Variants in SGPL1 observed in about 807,000 individuals in gnomAD.
SGPL1 encodes the protein SP-lyase 1.
In SGPL1, 37 loss-of-function variants were observed where a neutral mutation model predicts 68.9. The observed-to-expected ratio is 0.54, with a 90% CI of 0.41 to 0.71. The LOEUF is 0.71. Ranked by LOEUF, SGPL1 falls within the 30% of genes least tolerant of loss-of-function variation. SGPL1 has a pLI of 0.00. For synonymous variants in SGPL1, 236 were observed against 248.5 expected (o/e 0.95, Z 0.47); for missense variants, 551 against 704.6 (o/e 0.78, Z 2.47).
At chr10:70,818,831 A>G (rs1189455324) in intron 2 of SGPL1, among the ~76,000 whole-genome samples, 1 of 152,204 alleles carries the variant, frequency 6.6e-6, no homozygotes, top group African/African-American at 2.4e-5. Context: ...ATTCTTATTC[A>G]AAGACCATTA....
At chr10:70,858,906 T>C (rs981613216) in intron 6 of SGPL1, among the ~76,000 whole-genome samples, 1 of 152,182 alleles carries the variant, frequency 6.6e-6, no homozygotes, top group African/African-American at 2.4e-5. Flanking sequence ...CAGGGTCCCT[T>C]AGCACTCTGT....
intron 2 of SGPL1, among the ~76,000 whole-genome samples, chr10:70,830,541 T>G (rs1325240855): frequency 6.6e-6 from 1 of 152,204 alleles, no homozygotes; most frequent in African/African-American, 2.4e-5. Context: ...TCCTACAGAA[T>G]TTTAAGTAAT....
At chr10:70,835,542 C>G (rs1011213820) in intron 2 of SGPL1, among the ~76,000 whole-genome samples, 2 of 152,016 alleles carry the variant, frequency 1.3e-5, no homozygotes, top group East Asian at 3.9e-4. Flanking sequence ...CGAGACCATC[C>G]TGGCTAACAC....
chr10:70,864,192 C>T (rs1846136429), intron 7 of SGPL1, among the ~76,000 whole-genome samples: 1 of 152,048 alleles, frequency 6.6e-6, no homozygotes, highest in African/African-American at 2.4e-5. Context: ...TACAGACCTT[C>T]GTCTATTTGA....
At chr10:70,846,172 T>C (rs1051683385) in intron 3 of SGPL1, among the ~76,000 whole-genome samples, 5 of 152,196 alleles carry the variant, frequency 3.3e-5, no homozygotes, top group African/African-American at 1.2e-4. Flanking sequence ...CTGCTCCTAG[T>C]CCTTGCAAGA....
chr10:70,846,388 TAAAA>T (rs11299555), intron 3 of SGPL1, among the ~76,000 whole-genome samples: 1 of 151,758 alleles, frequency 6.6e-6, no homozygotes, highest in African/African-American at 2.4e-5. Context: ...AACTTTTCAT[TAAAA>T]AAAAAATCAG....
intron 2 of SGPL1, among the ~76,000 whole-genome samples, chr10:70,817,464 G>A (rs1034233473): frequency 6.6e-6 from 1 of 152,170 alleles, no homozygotes; most frequent in Non-Finnish European, 1.5e-5. Flanking sequence ...GTCTTGCTAT[G>A]TTCCTCAGAC....
chr10:70,876,671 CTTGGAG>C lies in SGPL1; in HGVS notation c.1566+13_1566+18del. ...GAAGACCACAGGAATGGTAGGGACA[CTTGGAG>C]TTTTTTTTCTTCTCTTGGAAATTTA... On this transcript the variant is annotated intron_variant, in intron 14 of 14. Coordinates refer to ENST00000373202, the MANE Select transcript of SGPL1 (RefSeq NM_003901.4). 6.2e-7 allele frequency: 1 copy of C among 1,601,282 alleles called. No homozygotes were observed. Among genetic ancestry groups the C allele is most frequent in the Non-Finnish European group, 8.5e-7 (1 of 1,176,206 alleles).
At chr10:70,858,178 C>G (rs762495498) in intron 6 of SGPL1, among the ~76,000 whole-genome samples, 10 of 152,202 alleles carry the variant, frequency 6.6e-5, no homozygotes, top group Non-Finnish European at 1.5e-4. Flanking sequence ...CTCTGTCACA[C>G]AGGCTGGAGT....
At position 70,877,215 on chromosome 10, in the gene SGPL1, C is replaced by A. The variant is rs1302149380; in HGVS notation, c.1587C>A (p.Ala529=). 6.2e-7 allele frequency: 1 copy of A among 1,614,128 alleles called. No individual in the cohort carries two copies. The highest frequency in any genetic ancestry group is 8.5e-7 in the Non-Finnish European group (1 of 1,179,988). ...TGTAGGGTGCCATCTATGGCATGGC[C>A]CAGACAACTGTTGACAGGAATATGG... is the stretch of plus-strand genomic sequence containing the variant. ...TTGMGAIYGM[A]QTTVDRNMVA... is the part of the protein sequence containing the mutation. Residue 529 remains alanine, a synonymous_variant, in exon 15 of 15, where the codon GCC becomes GCA. Transcript: ENST00000373202.
At chr10:70,858,231 G>C (rs925611250) in intron 6 of SGPL1, among the ~76,000 whole-genome samples, 46 of 152,076 alleles carry the variant, frequency 3.0e-4, no homozygotes, top group African/African-American at 9.9e-4. Flanking sequence ...GACCTCTTTG[G>C]CTCAAGTGAT....
At position 70,877,229 on chromosome 10, in the gene SGPL1, A is replaced by G. The variant is rs1296384070; in HGVS notation, c.1601A>G (p.Asp534Gly). The change falls in exon 15 of 15, where the codon GAC becomes GGC. Residue 534 changes from aspartate to glycine, a missense_variant. Asp to Gly is a moderately conservative substitution (Grantham distance 94, BLOSUM62 -1). Coordinates refer to ENST00000373202, the MANE Select transcript of SGPL1 (RefSeq NM_003901.4). Reference sequence around the variant, plus strand: ...TATGGCATGGCCCAGACAACTGTTGACAGGAATATGGTTGCAGAATTGTCC... The same window carrying G: ...TATGGCATGGCCCAGACAACTGTTGGCAGGAATATGGTTGCAGAATTGTCC... ...AIYGMAQTTV[D>G]RNMVAELSSV... 6.2e-7 allele frequency: 1 copy of G among 1,614,182 alleles called. No homozygotes were observed. The highest frequency in any genetic ancestry group is 1.1e-5 in the South Asian group (1 of 91,078).
chr10:70,845,837 A>G (rs1328626481), intron 3 of SGPL1, among the ~76,000 whole-genome samples: 1 of 152,128 alleles, frequency 6.6e-6, no homozygotes, highest in Non-Finnish European at 1.5e-5. Flanking sequence ...ATTGAAGATA[A>G]TCATTAGCTG....
At chr10:70,822,380 G>T (rs1452786719) in intron 2 of SGPL1, among the ~76,000 whole-genome samples, 2 of 152,178 alleles carry the variant, frequency 1.3e-5, no homozygotes, top group Non-Finnish European at 2.9e-5. Flanking sequence ...CCCAGTATTT[G>T]ACTTAGCTTT....
chr10:70,876,962 G>A (rs1329464606), intron 14 of SGPL1, among the ~76,000 whole-genome samples: 3 of 152,150 alleles, frequency 2.0e-5, no homozygotes, highest in Non-Finnish European at 4.4e-5. Context: ...TGTTTTTTCT[G>A]GAATTTTCTT....
intron 3 of SGPL1, 25 bp from the exon 4 acceptor site, chr10:70,851,118 T>A: frequency 6.3e-7 from 1 of 1,594,214 alleles, no homozygotes; most frequent in Non-Finnish European, 8.6e-7. Flanking sequence ...TTTATTTGAA[T>A]AAGAGAACCA....
chr10:70,858,455 A>T (rs1029059705), intron 6 of SGPL1, among the ~76,000 whole-genome samples: 22 of 152,110 alleles, frequency 1.4e-4, no homozygotes, highest in Admixed American at 1.4e-3. Context: ...TTATTTTTGA[A>T]ACTCCACTTC....
At chr10:70,840,436 C>A (rs1438568225) in intron 2 of SGPL1, among the ~76,000 whole-genome samples, 5 of 152,062 alleles carry the variant, frequency 3.3e-5, no homozygotes, top group African/African-American at 1.2e-4. Context: ...ACTGCATCAT[C>A]CTTTAGTCCA....
chr10:70,826,794 T>G lies in SGPL1; in HGVS notation c.27+9914T>G, dbSNP rs558312804. ...GATGTAAATGGATGCATATGTATTT[T>G]TATTTTTGTGATTTTCCTGTGTTGC... On this transcript the variant is annotated intron_variant, in intron 2 of 14. Coordinates refer to ENST00000373202, the MANE Select transcript of SGPL1 (RefSeq NM_003901.4). Among the ~76,000 whole-genome samples, 31 of 152,350 alleles carry G rather than the reference T, an allele frequency of 2.0e-4. No homozygotes were observed. In the East Asian group the frequency reaches 5.8e-3, roughly 28 times the overall value.
Sources: allele counts gnomAD v4.1 joint callset (sites outside exome capture counted in the v4.1 genomes callset), GRCh38; gene constraint gnomAD v4.1.1; transcripts MANE v1.5; gene names NCBI Gene and HGNC (gene_info 2026-07-23, HGNC 2026-07-21).